KLF12: variants seen among roughly 807,000 people sequenced by gnomAD.
KLF12 encodes the protein KLF transcription factor 12, also known as Krueppel-like factor 12.
In KLF12, 9 loss-of-function variants were observed where a neutral mutation model predicts 37.8. The observed-to-expected ratio is 0.24, with a 90% CI of 0.14 to 0.42. The LOEUF (loss-of-function observed/expected upper bound fraction) is 0.42, where lower values mean the gene tolerates loss of function less well. KLF12 is among the 10% of genes least tolerant of loss of function. KLF12 has a pLI of 1.00. For missense variants in KLF12, 411 were observed against 516.0 expected (o/e 0.80, Z 1.97); for synonymous variants, 208 against 202.1 (o/e 1.03, Z -0.25).
the KLF12 span, among the ~76,000 whole-genome samples, chr13:74,208,641 A>G: frequency 6.6e-6 from 1 of 152,094 alleles, no homozygotes. Context: ...AATACTTTCA[A>G]TGTAATGAGA....
chr13:73,765,162 C>A (rs576870189), intron 5 of KLF12, among the ~76,000 whole-genome samples, 162 bp from the exon 6 acceptor site: 1 of 152,258 alleles, frequency 6.6e-6, no homozygotes, highest in South Asian at 2.1e-4. Flanking sequence ...AATTCCTACG[C>A]CTGCAAATCT....
chr13:74,029,487 C>CT (rs1893062310), intron 1 of KLF12, among the ~76,000 whole-genome samples: 1 of 152,048 alleles, frequency 6.6e-6, no homozygotes, highest in African/African-American at 2.4e-5. Context: ...TTAAGTCAGA[C>CT]TTAACTACAC....
At chr13:73,746,810 C>CTTTTTTT (rs776746904) in intron 6 of KLF12, among the ~76,000 whole-genome samples, 7 of 119,830 alleles carry the variant, frequency 5.8e-5, no homozygotes, top group Non-Finnish European at 1.0e-4. Context: ...TCCCTCCCTC[C>CTTTTTTT]TTTTTTTTTT....
At chr13:74,078,604 C>T (rs973360881) in intron 1 of KLF12, among the ~76,000 whole-genome samples, 4 of 152,006 alleles carry the variant, frequency 2.6e-5, no homozygotes, top group African/African-American at 9.7e-5. Context: ...TGTATACACC[C>T]ACATTTGTGT....
chr13:73,904,969 A>AC (rs985904203), intron 3 of KLF12, among the ~76,000 whole-genome samples: 2 of 151,952 alleles, frequency 1.3e-5, no homozygotes, highest in African/African-American at 4.8e-5. Flanking sequence ...AAAAAAAAAA[A>AC]AATCATCTAA....
At chr13:74,022,412 C>A (rs552398447) in intron 1 of KLF12, among the ~76,000 whole-genome samples, 2 of 145,112 alleles carry the variant, frequency 1.4e-5, no homozygotes, top group South Asian at 4.3e-4. Flanking sequence ...TCTGTACAGG[C>A]TCAATGGATT....
intron 1 of KLF12, among the ~76,000 whole-genome samples, chr13:74,123,624 C>T (rs1877767156): frequency 6.6e-6 from 1 of 152,216 alleles, no homozygotes; most frequent in Admixed American, 6.5e-5. Context: ...ACGGGTTGAT[C>T]TCTCTGGGCT....
chr13:73,989,173 T>TA (rs1265499182), intron 2 of KLF12, among the ~76,000 whole-genome samples: 2 of 151,776 alleles, frequency 1.3e-5, no homozygotes, highest in South Asian at 4.2e-4. Flanking sequence ...GCAAAGCAAA[T>TA]AAAAAAATAA....
intron 2 of KLF12, among the ~76,000 whole-genome samples, chr13:73,993,806 T>C (rs1892033740): frequency 6.6e-6 from 1 of 152,194 alleles, no homozygotes; most frequent in African/African-American, 2.4e-5. Context: ...AAACCATCCA[T>C]AATGGGAATA....
intron 4 of KLF12, among the ~76,000 whole-genome samples, chr13:73,827,390 C>A (rs188646421): frequency 7.9e-5 from 12 of 152,180 alleles, no homozygotes; most frequent in African/African-American, 2.9e-4. Flanking sequence ...CCACGTTTCC[C>A]CATACTGTTG....
rs377011966 is a variant in KLF12, at chr13:73,687,225, C to T, written c.*8265G>A. On this transcript the variant is annotated 3_prime_UTR_variant, in exon 8 of 8. Coordinates refer to ENST00000377669, the MANE Select transcript of KLF12 (RefSeq NM_007249.5). ...ATGCAGGATGACATAATACATAAGA[C>T]GATGTTTTCAAGCTGGTTTTATAAG... 4.6e-5 allele frequency: 7 copies of T among 152,494 alleles called. No individual in the cohort carries two copies. The highest frequency in any genetic ancestry group is 1.2e-4 in the African/African-American group (5 of 41,404). 9.4% of individuals were successfully genotyped at this position (152,494 alleles called of 1,614,324 possible).
At chr13:74,167,364 G>A in the KLF12 span, among the ~76,000 whole-genome samples, 1 of 152,198 alleles carries the variant, frequency 6.6e-6, no homozygotes, top group African/African-American at 2.4e-5. Flanking sequence ...AGGTGTAAGG[G>A]AACCAATATA....
chr13:74,055,485 C>A (rs891251682), intron 1 of KLF12, among the ~76,000 whole-genome samples: 1 of 152,122 alleles, frequency 6.6e-6, no homozygotes, highest in African/African-American at 2.4e-5. Context: ...AAAGCGTGCT[C>A]CAGTAGGTCT....
the KLF12 span, among the ~76,000 whole-genome samples, chr13:74,235,949 T>C: frequency 0.053 from 7,424 of 139,170 alleles, 453 homozygotes; most frequent in African/African-American, 0.16. Context: ...TTTATTTTTA[T>C]TTTTTTTTAT....
the KLF12 span, among the ~76,000 whole-genome samples, chr13:74,246,120 C>T: frequency 6.6e-6 from 1 of 152,156 alleles, no homozygotes; most frequent in African/African-American, 2.4e-5. Flanking sequence ...AACATCATTC[C>T]TAGAACTCTA....
At chr13:73,826,001 C>A (rs1883818211) in intron 4 of KLF12, among the ~76,000 whole-genome samples, 1 of 151,366 alleles carries the variant, frequency 6.6e-6, no homozygotes, top group African/African-American at 2.4e-5. Flanking sequence ...GAGATGGAGT[C>A]TCGCTCTGTT....
chr13:73,877,304 G>A (rs949032104), intron 3 of KLF12, among the ~76,000 whole-genome samples: 1 of 152,116 alleles, frequency 6.6e-6, no homozygotes, highest in Non-Finnish European at 1.5e-5. Flanking sequence ...AGAAGAAAAT[G>A]TGCACGCTTT....
chr13:74,073,716 T>C (rs1190102859), intron 1 of KLF12, among the ~76,000 whole-genome samples: 3 of 152,090 alleles, frequency 2.0e-5, no homozygotes, highest in South Asian at 4.1e-4. Flanking sequence ...ATACAAAGTA[T>C]AAGGATTGAG....
At chr13:74,006,676 C>T (rs887368326) in intron 1 of KLF12, among the ~76,000 whole-genome samples, 3 of 152,194 alleles carry the variant, frequency 2.0e-5, no homozygotes, top group Admixed American at 2.0e-4. Flanking sequence ...GAACTGCTTT[C>T]CCCTTTCAGT....
Sources: allele counts gnomAD v4.1 joint callset (sites outside exome capture counted in the v4.1 genomes callset), GRCh38; gene constraint gnomAD v4.1.1; transcripts MANE v1.5; gene names NCBI Gene and HGNC (gene_info 2026-07-23, HGNC 2026-07-21).